Variants in CUX1 observed in about 807,000 individuals in gnomAD.
The protein encoded by CUX1 is cut like homeobox 1.
CUX1 carries 31 observed loss-of-function variants against 158.8 expected under a neutral mutation model. That is an observed-to-expected ratio of 0.20 (90% confidence interval 0.15 to 0.26). The LOEUF (loss-of-function observed/expected upper bound fraction) is 0.26. Ranked by LOEUF, CUX1 falls within the 10% of genes least tolerant of loss-of-function variation. CUX1 has a pLI of 1.00. For synonymous variants in CUX1, 879 were observed against 862.1 expected, an observed-to-expected ratio of 1.02 and a Z score of -0.34; for missense variants, 1,589 against 2,014.6, an observed-to-expected ratio of 0.79 and a Z score of 4.04.
In CUX1 at chr7:102,252,585, G is replaced by A. The variant is rs922123591; in HGVS notation, c.*3543G>A. On this transcript the variant is annotated 3_prime_UTR_variant, in exon 24 of 24. Transcript: ENST00000292535. Reference sequence around the variant, plus strand: ...AACTTAGCTGGCTAAGCAGAGGCTCGGGGTAAAATCAGTGTTTGCATTTAG... The same window carrying A: ...AACTTAGCTGGCTAAGCAGAGGCTCAGGGTAAAATCAGTGTTTGCATTTAG... 5.1e-6 allele frequency: 5 copies of A among 985,400 alleles called. No individual in the cohort carries two copies. The highest frequency in any genetic ancestry group is 6.0e-6 in the Non-Finnish European group (5 of 829,914). The allele number at this position is 985,400 out of a possible 1,614,324, so 61.0% of individuals were successfully genotyped here.
chr7:102,017,819 C>G (rs1022057247), intron 2 of CUX1, among the ~76,000 whole-genome samples: 3 of 152,206 alleles, frequency 2.0e-5, no homozygotes, highest in Admixed American at 6.5e-5. Flanking sequence ...TGCACTCCAG[C>G]CTGGGCAACA....
At chr7:101,984,137 CACATAT>C (rs1563092188) in intron 2 of CUX1, among the ~76,000 whole-genome samples, 1 of 65,816 alleles carries the variant, frequency 1.5e-5, no homozygotes, top group Non-Finnish European at 3.5e-5. Flanking sequence ...TATACACACA[CACATAT>C]ATATATGTGT....
In CUX1 at chr7:102,201,355, T is replaced by C. The variant is rs781972043; in HGVS notation, c.2063-5T>C. On this transcript the variant is annotated splice_polypyrimidine_tract_variant and splice_region_variant and intron_variant, in intron 17 of 23. Transcript: ENST00000292535. This position sits in a 1 kb window ranked among gnomAD's most constrained non-coding sequence, Gnocchi z 5.0. ...CCACACTCTCACCCCTGTTTCTCCA[T>C]GCAGCAGAGCCGGCCCAGCCTTCCT... is the stretch of plus-strand genomic sequence containing the variant. 1.2e-6 allele frequency: 2 copies of C among 1,611,444 alleles called. No individual in the cohort carries two copies. Among genetic ancestry groups the C allele is most frequent in the Non-Finnish European group, 1.7e-6 (2 of 1,178,470 alleles).
chr7:101,826,162 A>G (rs1793269806), intron 1 of CUX1, among the ~76,000 whole-genome samples: 1 of 151,664 alleles, frequency 6.6e-6, no homozygotes, highest in African/African-American at 2.4e-5. Context: ...CCCTCTGTAC[A>G]TCTGAGCTTC....
chr7:102,267,498 C>T (rs1381087004), intron 14 of CUX1, among the ~76,000 whole-genome samples: 4 of 152,156 alleles, frequency 2.6e-5, no homozygotes, highest in African/African-American at 9.7e-5. Flanking sequence ...CATACCATTG[C>T]ACTCTAGCCT....
At chr7:102,092,948 A>T (rs1175329044) in intron 4 of CUX1, among the ~76,000 whole-genome samples, 1 of 150,552 alleles carries the variant, frequency 6.6e-6, no homozygotes, top group Non-Finnish European at 1.5e-5. Context: ...AAAGAAAAGA[A>T]AAAAAGAGCT....
At chr7:102,123,124 G>A (rs782804092) in intron 8 of CUX1, among the ~76,000 whole-genome samples, 4 of 151,988 alleles carry the variant, frequency 2.6e-5, no homozygotes, top group Non-Finnish European at 4.4e-5. Flanking sequence ...CCAGCTACAC[G>A]GGAGGCTAAG....
chr7:102,015,749 T>C (rs1818513780), intron 2 of CUX1, among the ~76,000 whole-genome samples: 1 of 152,198 alleles, frequency 6.6e-6, no homozygotes, highest in Non-Finnish European at 1.5e-5. Context: ...ATCGTCCAGA[T>C]CTGAGTTCAC....
intron 4 of CUX1, among the ~76,000 whole-genome samples, chr7:102,091,578 T>G (rs1255458515): frequency 6.6e-6 from 1 of 152,122 alleles, no homozygotes; most frequent in East Asian, 1.9e-4. Flanking sequence ...CAAGTGATCC[T>G]CCCACCTCAG....
chr7:102,279,088 C>A (rs1554548537), intron 18 of CUX1, among the ~76,000 whole-genome samples: 1 of 152,050 alleles, frequency 6.6e-6, no homozygotes, highest in South Asian at 2.1e-4. Context: ...GGCCTGTAAT[C>A]CCAGCGGTTT....
intron 3 of CUX1, among the ~76,000 whole-genome samples, chr7:102,029,168 T>C (rs1254973729): frequency 6.6e-6 from 1 of 152,048 alleles, no homozygotes; most frequent in African/African-American, 2.4e-5. Context: ...AATTTCTCTA[T>C]TTTTAGTAGA....
intron 3 of CUX1, among the ~76,000 whole-genome samples, chr7:102,030,691 G>GTTTTTTTTTTTTTTTTTTTTTTGTTTT (rs71119801): frequency 8.4e-6 from 1 of 119,386 alleles, no homozygotes; most frequent in African/African-American, 3.1e-5. Flanking sequence ...TTTAAAAAGT[G>GTTTTTTTTTTTTTTTTTTTTTTGTTTT]TTTTTTTTTT....
intron 20 of CUX1, among the ~76,000 whole-genome samples, chr7:102,208,406 G>A (rs1411263930): frequency 2.0e-5 from 3 of 152,186 alleles, no homozygotes; most frequent in Non-Finnish European, 4.4e-5. Flanking sequence ...AGCACACCCA[G>A]CTAGTTGTAT....
chr7:101,936,859 C>A (rs868217518), intron 2 of CUX1, among the ~76,000 whole-genome samples: 1 of 152,194 alleles, frequency 6.6e-6, no homozygotes, highest in African/African-American at 2.4e-5. Context: ...TTTCCAGGCA[C>A]GCAGGAGCTC....
chr7:101,893,572 G>C (rs1440539222), intron 1 of CUX1, among the ~76,000 whole-genome samples: 1 of 152,056 alleles, frequency 6.6e-6, no homozygotes, highest in Non-Finnish European at 1.5e-5. Context: ...CATCCCTTTT[G>C]GGCCAAGTTT....
chr7:102,006,383 AT>A (rs946298529), intron 2 of CUX1, among the ~76,000 whole-genome samples: 7 of 151,524 alleles, frequency 4.6e-5, no homozygotes, highest in African/African-American at 1.5e-4. Context: ...GGTAGAATGG[AT>A]TTTTTTTCTT....
intron 2 of CUX1, among the ~76,000 whole-genome samples, chr7:102,003,295 A>AAC (rs56760446): frequency 0.1 from 13,175 of 131,852 alleles, 999 homozygotes; most frequent in African/African-American, 0.22. Context: ...CCTGGTGCCG[A>AAC]ACACACACAC....
chr7:102,228,845 C>A (rs1554529619), intron 21 of CUX1, among the ~76,000 whole-genome samples: 1 of 152,140 alleles, frequency 6.6e-6, no homozygotes, highest in Non-Finnish European at 1.5e-5. Context: ...ATCCTCGGGG[C>A]TCCAGAGCTG....
chr7:102,022,613 CAA>C lies in CUX1; in HGVS notation c.142-5471_142-5470del, dbSNP rs11344759. Among the ~76,000 whole-genome samples, 262 of 134,954 alleles carry C rather than the reference CAA, an allele frequency of 1.9e-3. 1 individual carries two copies. Among genetic ancestry groups the C allele is most frequent in the East Asian group, 0.01 (48 of 4,676 alleles). 88.5% of individuals were successfully genotyped at this position (134,954 alleles called of 152,430 possible). ...AGCCTGGAAGAGCGAGACACTGTCT[CAA>C]AAAAAAAAAAAAAGAAAAGAAAAAG... On this transcript the variant is annotated intron_variant, in intron 2 of 23. Coordinates refer to ENST00000292535, the MANE Select transcript of CUX1 (RefSeq NM_181552.4).
Sources: gnomAD v4.1 joint callset for allele counts (sites outside exome capture counted in the v4.1 genomes callset) on GRCh38, gnomAD v4.1.1 for gene constraint, Gnocchi (gnomAD v3.1) non-coding constraint, MANE v1.5 for transcripts, NCBI Gene and HGNC (gene_info 2026-07-23, HGNC 2026-07-21) for gene names.